TMTC2: variants seen among roughly 807,000 people sequenced by gnomAD.
TMTC2 encodes protein O-mannosyl-transferase TMTC2.
Under a neutral mutation model 82.4 loss-of-function variants are expected in TMTC2, and 43 were observed. The observed-to-expected ratio is 0.52, with a 90% CI of 0.41 to 0.67. TMTC2 has a LOEUF of 0.67. Among genes scored for constraint, TMTC2 ranks in the 30% least tolerant of loss-of-function variants. TMTC2 has a pLI of 0.00. For missense variants in TMTC2, 919 were observed against 1,012.4 expected, an observed-to-expected ratio of 0.91 and a Z score of 1.25; for synonymous variants, 408 against 381.9, an observed-to-expected ratio of 1.07 and a Z score of -0.80.
intron 11 of TMTC2, among the ~76,000 whole-genome samples, chr12:83,080,957 A>C (rs1883444109): frequency 6.6e-6 from 1 of 152,212 alleles, no homozygotes; most frequent in East Asian, 1.9e-4. Flanking sequence ...GCAGAGTGTC[A>C]AATATATGTC....
At chr12:83,038,463 A>T (rs973458756) in intron 9 of TMTC2, among the ~76,000 whole-genome samples, 13 of 152,122 alleles carry the variant, frequency 8.5e-5, no homozygotes, top group Non-Finnish European at 1.6e-4. Flanking sequence ...AATGTTTAAG[A>T]TTATCAGCAA....
chr12:83,058,257 T>C (rs543581199), intron 10 of TMTC2, among the ~76,000 whole-genome samples: 3 of 151,990 alleles, frequency 2.0e-5, no homozygotes, highest in South Asian at 4.1e-4. Flanking sequence ...TTATTGTCTG[T>C]TTGCTTTCGA....
At chr12:82,756,465 C>T (rs1354220743) in intron 1 of TMTC2, among the ~76,000 whole-genome samples, 1 of 152,122 alleles carries the variant, frequency 6.6e-6, no homozygotes, top group African/African-American at 2.4e-5. Flanking sequence ...AGGGTTTTAC[C>T]TTACTGATGT....
intron 8 of TMTC2, among the ~76,000 whole-genome samples, chr12:82,987,405 C>T (rs1879198856): frequency 1.2e-4 from 1 of 8,270 alleles, no homozygotes. Context: ...GCCTGGGCAA[C>T]AGAGACTCCA....
chr12:82,845,031 C>A (rs1291559110), intron 1 of TMTC2, among the ~76,000 whole-genome samples: 1 of 150,472 alleles, frequency 6.6e-6, no homozygotes, highest in East Asian at 2.0e-4. Flanking sequence ...AGTTCAAGAC[C>A]AGCCTGGCCA....
chr12:82,952,255 G>C (rs1366604650), intron 4 of TMTC2, among the ~76,000 whole-genome samples: 1 of 151,992 alleles, frequency 6.6e-6, no homozygotes, highest in Admixed American at 6.6e-5. Flanking sequence ...ACTGATATCT[G>C]TGACCACTCT....
At chr12:82,969,613 C>T (rs1053945952) in intron 7 of TMTC2, among the ~76,000 whole-genome samples, 3 of 152,168 alleles carry the variant, frequency 2.0e-5, no homozygotes, top group Non-Finnish European at 2.9e-5. Context: ...ACATGCCAAT[C>T]GACTTATCCT....
chr12:82,937,793 T>C (rs867222995), intron 4 of TMTC2, among the ~76,000 whole-genome samples: 585 of 23,350 alleles, frequency 0.025, 27 homozygotes, highest in African/African-American at 0.066. Flanking sequence ...TATATATATA[T>C]ATACACACAT....
chr12:82,745,537 C>T (rs575467347), intron 1 of TMTC2, among the ~76,000 whole-genome samples: 6 of 152,206 alleles, frequency 3.9e-5, no homozygotes, highest in African/African-American at 1.4e-4. Context: ...CATGTTCTTT[C>T]GAAGCTCCTG....
At chr12:82,962,405 G>T (rs887827407) in intron 4 of TMTC2, among the ~76,000 whole-genome samples, 1 of 151,960 alleles carries the variant, frequency 6.6e-6, no homozygotes, top group Non-Finnish European at 1.5e-5. Context: ...TCTGACAGAA[G>T]CATAAAGATA....
At chr12:82,708,836 C>T (rs1470875534) in intron 1 of TMTC2, among the ~76,000 whole-genome samples, 1 of 152,180 alleles carries the variant, frequency 6.6e-6, no homozygotes, top group African/African-American at 2.4e-5. Context: ...TTTGCTTGAC[C>T]TCCCCATGGG....
intron 6 of TMTC2, among the ~76,000 whole-genome samples, chr12:82,966,696 C>T (rs1290286977): frequency 6.6e-6 from 1 of 152,042 alleles, no homozygotes; most frequent in African/African-American, 2.4e-5. Flanking sequence ...ACATTCGATG[C>T]CTCGTTAAGC....
At chr12:82,845,548 C>G (rs569058908) in intron 1 of TMTC2, among the ~76,000 whole-genome samples, 8 of 151,956 alleles carry the variant, frequency 5.3e-5, no homozygotes, top group Non-Finnish European at 1.0e-4. Flanking sequence ...AAATTAGAAA[C>G]AAGTTATTTT....
chr12:82,712,878 G>A lies in TMTC2; in HGVS notation c.83+25209G>A, dbSNP rs551536000. On this transcript the variant is annotated intron_variant, in intron 1 of 11. Transcript: ENST00000321196. ...GAACAGATTAAAGGAAAAAGTAGGGGGAGACCAGGTGGGAATCTTTCGCAC... is the reference window on the plus strand; with the variant it reads ...GAACAGATTAAAGGAAAAAGTAGGGAGAGACCAGGTGGGAATCTTTCGCAC... Among the ~76,000 whole-genome samples, 4 of 152,214 alleles carry A rather than the reference G, an allele frequency of 2.6e-5. No homozygotes were observed. In the East Asian group the frequency reaches 7.7e-4, roughly 29 times the overall value.
chr12:82,793,485 A>G (rs1222242024), intron 1 of TMTC2, among the ~76,000 whole-genome samples: 2 of 151,998 alleles, frequency 1.3e-5, no homozygotes, highest in African/African-American at 2.4e-5. Context: ...GAGTTTTCCA[A>G]TGACAAGATG....
intron 2 of TMTC2, among the ~76,000 whole-genome samples, chr12:82,884,710 T>G (rs1322984960): frequency 2.0e-5 from 3 of 152,238 alleles, no homozygotes; most frequent in African/African-American, 4.8e-5. Context: ...ATTAGCATCC[T>G]GCATTAGTGT....
chr12:82,719,954 A>C (rs1874124987), intron 1 of TMTC2, among the ~76,000 whole-genome samples: 1 of 152,192 alleles, frequency 6.6e-6, no homozygotes, highest in African/African-American at 2.4e-5. Flanking sequence ...ATAATTAAAT[A>C]TTTGCAATTA....
chr12:83,120,528 C>T, intron 11 of TMTC2, among the ~76,000 whole-genome samples: 1 of 152,206 alleles, frequency 6.6e-6, no homozygotes. Context: ...TCTGCTGTTA[C>T]TCTGATAGGT....
chr12:82,932,343 A>G (rs1336503488), intron 4 of TMTC2, among the ~76,000 whole-genome samples: 1 of 151,712 alleles, frequency 6.6e-6, no homozygotes, highest in African/African-American at 2.4e-5. Flanking sequence ...ACAGTGTGTA[A>G]TTTTTTTCTT....
Sources: gnomAD v4.1 joint callset for allele counts (sites outside exome capture counted in the v4.1 genomes callset) on GRCh38, gnomAD v4.1.1 for gene constraint, MANE v1.5 for transcripts, NCBI Gene and HGNC (gene_info 2026-07-23, HGNC 2026-07-21) for gene names.